Variants in HSD17B3 observed in about 807,000 individuals in gnomAD.
HSD17B3 encodes the protein hydroxysteroid 17-beta dehydrogenase 3.
Under a neutral mutation model 41.1 loss-of-function variants are expected in HSD17B3, and 29 were observed. That is an observed-to-expected ratio of 0.71 (90% CI 0.53 to 0.96). The LOEUF (loss-of-function observed/expected upper bound fraction) is 0.96, where lower values mean the gene tolerates loss of function less well. Among genes scored for constraint, HSD17B3 ranks in the 40% least tolerant of loss-of-function variants. HSD17B3 has a pLI of 0.00. For synonymous variants in HSD17B3, 126 were observed against 145.6 expected (o/e 0.87, Z 0.97); for missense variants, 323 against 374.6 (o/e 0.86, Z 1.14).
intron 2 of HSD17B3, among the ~76,000 whole-genome samples, chr9:96,271,860 G>A (rs1826255338): frequency 6.6e-6 from 1 of 152,014 alleles, no homozygotes. Context: ...CTTTCTGAAA[G>A]GAATCCCAAG....
chr9:96,288,149 G>C (rs8190510), intron 2 of HSD17B3, among the ~76,000 whole-genome samples: 1 of 152,198 alleles, frequency 6.6e-6, no homozygotes, highest in Non-Finnish European at 1.5e-5. Context: ...ATAGCAACCA[G>C]GTGTACCTGA....
chr9:96,249,843 A>C lies in HSD17B3; in HGVS notation c.454-57T>G, dbSNP rs34140038. ...CGGATGATTAGAGAAATTCTCCTGG[A>C]AAGTAGTTGGTGCTAAAGAACCATG... On this transcript the variant is annotated intron_variant, in intron 5 of 10. Transcript: ENST00000375263. The C allele has an allele frequency of 9.9e-5, 160 of 1,613,166 alleles. 1 individual carries two copies. The highest frequency in any genetic ancestry group is 1.3e-4 in the Non-Finnish European group (153 of 1,179,418).
At chr9:96,250,388 A>G in intron 5 of HSD17B3, 1 of 1,069,676 alleles carries the variant, frequency 9.3e-7, no homozygotes, top group Non-Finnish European at 1.1e-6. Flanking sequence ...TCCAGAGAGG[A>G]GTTCAGGAGT....
rs185428875 is a variant in HSD17B3, at chr9:96,267,747, A to G, written c.202-12804T>C. 9.9e-5 allele frequency among the ~76,000 whole-genome samples: 15 copies of G among 152,260 alleles called. No individual in the cohort carries two copies. The East Asian group carries it at 2.9e-3, about 29-fold the overall frequency. On this transcript the variant is annotated intron_variant, in intron 2 of 10. Coordinates refer to ENST00000375263, the MANE Select transcript of HSD17B3 (RefSeq NM_000197.2). Reference sequence around the variant, plus strand: ...AGGAAGAGAAATAAAGAATGTTTTCAGGATCTGCATAATAGGAGTTCCAGA... The same window carrying G: ...AGGAAGAGAAATAAAGAATGTTTTCGGGATCTGCATAATAGGAGTTCCAGA...
intron 6 of HSD17B3, chr9:96,249,444 AT>A (rs1350064301): frequency 1.3e-4 from 47 of 368,504 alleles, no homozygotes; most frequent in South Asian, 2.1e-4. Flanking sequence ...GAAGATACTA[AT>A]TTTTTTTAGA....
chr9:96,276,083 G>A (rs1302939533), intron 2 of HSD17B3, among the ~76,000 whole-genome samples: 11 of 130,484 alleles, frequency 8.4e-5, no homozygotes, highest in African/African-American at 2.9e-4. Flanking sequence ...TCCAACCTGG[G>A]TGACAGAGTG....
At chr9:96,252,704 T>A in intron 4 of HSD17B3, 99 bp downstream of exon 4, 2 of 782,656 alleles carry the variant, frequency 2.6e-6, no homozygotes, top group Non-Finnish European at 4.6e-6. Flanking sequence ...AGTCATGGTT[T>A]GAGTATAAAT....
intron 9 of HSD17B3, 120 bp downstream of exon 9, chr9:96,244,209 G>T: frequency 1.0e-6 from 1 of 990,646 alleles, no homozygotes; most frequent in Non-Finnish European, 1.6e-6. Context: ...CACATGAGCA[G>T]CCAGACCCAC....
In HSD17B3 at chr9:96,250,426, G is replaced by A. The variant is rs569633672; in HGVS notation, c.454-640C>T. On this transcript the variant is annotated intron_variant, in intron 5 of 10. Coordinates refer to ENST00000375263, the MANE Select transcript of HSD17B3 (RefSeq NM_000197.2). Reference sequence around the variant, plus strand: ...GGTGAGGATGTGCAGCAGCGCCCAAGCAGTCTGGCATTATCACCCGGTGCA... The same window carrying A: ...GGTGAGGATGTGCAGCAGCGCCCAAACAGTCTGGCATTATCACCCGGTGCA... 17 of 1,067,070 alleles carry A rather than the reference G, an allele frequency of 1.6e-5. No individual in the cohort carries two copies. In the African/African-American group the frequency reaches 2.8e-4, roughly 17 times the overall value. 66.1% of individuals were successfully genotyped at this position (1,067,070 alleles called of 1,614,324 possible). A position where few individuals can be genotyped will look rare whatever the true frequency, so the allele number is the denominator to read the frequency against.
Position 96,258,580 on chromosome 9 carries a change from T to C in HSD17B3, c.202-3637A>G, listed in dbSNP as rs1411231917. On this transcript the variant is annotated intron_variant, in intron 2 of 10. Coordinates refer to ENST00000375263, the MANE Select transcript of HSD17B3 (RefSeq NM_000197.2). The stretch of plus-strand genomic sequence containing the variant: ...CCTCATTATCTTAGCTGACCCCTCC[T>C]ATACAATGTTAAGGAAGCCCCTACC... Among the ~76,000 whole-genome samples, 4 of 152,208 alleles carry C rather than the reference T, an allele frequency of 2.6e-5. No homozygotes were observed. The East Asian group carries it at 7.7e-4, about 29-fold the overall frequency.
rs55707445 is a variant in HSD17B3 at position 96,300,209 on chromosome 9, G to GACACACACACACACAC, written c.154+1726_154+1741dup. Among the ~76,000 whole-genome samples, 674 of 116,366 alleles carry GACACACACACACACAC rather than the reference G, an allele frequency of 5.8e-3. 25 individuals are homozygous for GACACACACACACACAC. The highest frequency in any genetic ancestry group is 0.027 in the Middle Eastern group (6 of 222). The allele number at this position is 116,366 out of a possible 152,430, so 76.3% of individuals were successfully genotyped here. A position where few individuals can be genotyped will look rare whatever the true frequency, so the allele number is the denominator to read the frequency against. On this transcript the variant is annotated intron_variant, in intron 1 of 10. Coordinates refer to ENST00000375263, the MANE Select transcript of HSD17B3 (RefSeq NM_000197.2). ...TCCTGACAGCATAATACCCCAAGAGGACACACACACACACACACACACACA... is the reference window on the plus strand; with the variant it reads ...TCCTGACAGCATAATACCCCAAGAGGACACACACACACACACACACACACACACACACACACACACA...
intron 2 of HSD17B3, among the ~76,000 whole-genome samples, chr9:96,289,993 G>A (rs1211262072): frequency 6.6e-6 from 1 of 152,108 alleles, no homozygotes; most frequent in Non-Finnish European, 1.5e-5. Flanking sequence ...AATCTACAGC[G>A]GGTAGTGGGA....
At chr9:96,271,372 T>A (rs1826240005) in intron 2 of HSD17B3, among the ~76,000 whole-genome samples, 1 of 152,260 alleles carries the variant, frequency 6.6e-6, no homozygotes, top group Non-Finnish European at 1.5e-5. Flanking sequence ...TTAATTCTGA[T>A]AATTTAATTC....
rs1192568933 is a variant in HSD17B3, at chr9:96,302,130, C to T, written c.-26G>A. 2.5e-6 allele frequency: 4 copies of T among 1,612,398 alleles called. No individual in the cohort carries two copies. The East Asian group carries it at 6.7e-5, about 27-fold the overall frequency. On this transcript the variant is annotated 5_prime_UTR_variant, in exon 1 of 11. Coordinates refer to ENST00000375263, the MANE Select transcript of HSD17B3 (RefSeq NM_000197.2). ...GGCTGCACTCAACAGACTGTTTCAG[C>T]CCTGGCCGTGGCTCTCTGTGTATGC... is the stretch of plus-strand genomic sequence containing the variant.
intron 10 of HSD17B3, 46 bp from the exon 11 acceptor site, chr9:96,235,616 G>T: frequency 6.9e-7 from 1 of 1,454,754 alleles, no homozygotes; most frequent in Non-Finnish European, 9.5e-7. Context: ...GGAATAACAA[G>T]TACCTCAGTT....
chr9:96,292,642 C>T (rs10990269), intron 2 of HSD17B3, among the ~76,000 whole-genome samples: 39,892 of 152,160 alleles, frequency 0.26, 6,190 homozygotes, highest in Non-Finnish European at 0.36. Flanking sequence ...GCCACCACAC[C>T]GGGCCCAAAT....
chr9:96,272,419 A>C (rs373890804), intron 2 of HSD17B3, among the ~76,000 whole-genome samples: 1,856 of 21,404 alleles, frequency 0.087, 52 homozygotes, highest in Non-Finnish European at 0.11. Context: ...ATATATATAT[A>C]TATATATATA....
intron 2 of HSD17B3, among the ~76,000 whole-genome samples, chr9:96,262,174 C>G (rs1825884964): frequency 7.2e-6 from 1 of 138,788 alleles, no homozygotes; most frequent in Non-Finnish European, 1.5e-5. Context: ...CTATGTGTTT[C>G]TACCTCTGAA....
intron 1 of HSD17B3, among the ~76,000 whole-genome samples, chr9:96,300,502 G>A (rs1249703426): frequency 7.1e-6 from 1 of 140,962 alleles, no homozygotes; most frequent in South Asian, 2.4e-4. Context: ...ATTTAACTGG[G>A]TATCCTGTAT....
Sources: gnomAD v4.1 joint callset for allele counts (sites outside exome capture counted in the v4.1 genomes callset) on GRCh38, gnomAD v4.1.1 for gene constraint, MANE v1.5 for transcripts, NCBI Gene and HGNC (gene_info 2026-07-23, HGNC 2026-07-21) for gene names.